The following PDZD7 variants were observed in gnomAD, a reference collection of about 807,000 sequenced individuals.
The protein encoded by PDZD7 is PDZ domain-containing protein 7.
In PDZD7, 72 loss-of-function variants were observed where a neutral mutation model predicts 84.7. That is an observed-to-expected ratio of 0.85 (90% confidence interval 0.70 to 1.03). The LOEUF (loss-of-function observed/expected upper bound fraction) is 1.03, where lower values mean the gene tolerates loss of function less well. Ranked by LOEUF, PDZD7 falls within the 50% of genes least tolerant of loss-of-function variation. The pLI, the probability that PDZD7 is intolerant of heterozygous loss-of-function variation, is 0.00. For missense variants in PDZD7, 1,490 were observed against 1,412.9 expected (o/e 1.05, Z -0.87); for synonymous variants, 594 against 580.7 (o/e 1.02, Z -0.33).
chr10:101,021,841 A>G lies in PDZD7; in HGVS notation c.824T>C (p.Val275Ala). 1 of 1,614,028 alleles carries G rather than the reference A, an allele frequency of 6.2e-7. No individual in the cohort carries two copies. Among genetic ancestry groups the G allele is most frequent in the Non-Finnish European group, 8.5e-7 (1 of 1,179,990 alleles). ...GTGCGTTTGGCCCTTCAGCACCTCC[A>G]CGGCCTGGCTGTGGCTGATGTCGTC... is the stretch of plus-strand genomic sequence containing the variant. Reference protein sequence around the residue: ...RFDDISHSQAVEVLKGQTHIM... With the variant: ...RFDDISHSQAAEVLKGQTHIM... Residue 275 changes from valine to alanine, a missense_variant, in exon 6 of 17, where the codon GTG (valine) becomes GCG (alanine). Physicochemically the swap from Val to Ala is moderately conservative, Grantham distance 64 (BLOSUM62 0). Transcript: ENST00000619208.
intron 7 of PDZD7, among the ~76,000 whole-genome samples, chr10:101,019,695 G>A (rs917142117): frequency 1.1e-4 from 17 of 149,112 alleles, no homozygotes; most frequent in African/African-American, 3.7e-4. Flanking sequence ...ATGTGATCTC[G>A]GTTCACTGCA....
intron 1 of PDZD7, chr10:101,030,657 G>A: frequency 3.0e-6 from 1 of 336,298 alleles, no homozygotes; most frequent in South Asian, 2.6e-5. Context: ...GGTTGAGAGT[G>A]GAGTTGGGAT....
chr10:101,025,774 C>A (rs1000403817), intron 2 of PDZD7, among the ~76,000 whole-genome samples: 2 of 150,978 alleles, frequency 1.3e-5, no homozygotes, highest in Non-Finnish European at 2.9e-5. Flanking sequence ...GTTTTGATCT[C>A]CTGACCTCGT....
Position 101,020,791 on chromosome 10 carries a change from C to T in PDZD7, c.868-113G>A. 3.8e-6 allele frequency: 3 copies of T among 782,576 alleles called. No homozygotes were observed. The South Asian group carries it at 4.5e-5, about 12-fold the overall frequency. 48.5% of individuals were successfully genotyped at this position (782,576 alleles called of 1,614,324 possible). A position where few individuals can be genotyped will look rare whatever the true frequency, so the allele number is the denominator to read the frequency against. ...AACTTTCAACTTCATTTCTGTCCTC[C>T]AAATTCATCATGCTCTGGCCGCACA... On this transcript the variant is annotated intron_variant, in intron 6 of 16. Transcript: ENST00000619208.
intron 2 of PDZD7, among the ~76,000 whole-genome samples, chr10:101,027,626 C>A (rs1035384501): frequency 6.6e-6 from 1 of 152,202 alleles, no homozygotes; most frequent in Non-Finnish European, 1.5e-5. Flanking sequence ...GCCTTCCCGG[C>A]AATTCTGAGG....
chr10:101,028,431 T>C (rs1012515730), intron 2 of PDZD7, among the ~76,000 whole-genome samples: 1 of 151,862 alleles, frequency 6.6e-6, no homozygotes, highest in Non-Finnish European at 1.5e-5. Context: ...CTACAAAAAA[T>C]AAAATAAAAT....
Position 101,011,754 on chromosome 10 carries a change from A to C in PDZD7, c.1941T>G (p.Pro647=). The part of the protein sequence containing the change: ...FEALKSRAVR[P]PALRPARQDT... Reference sequence around the variant, plus strand: ...CCTGCCGGGCTGGTCTCAAAGCAGGAGGCCGGACTGGTTGGAGAGATGAAC... The same window carrying C: ...CCTGCCGGGCTGGTCTCAAAGCAGGCGGCCGGACTGGTTGGAGAGATGAAC... The change falls in exon 14 of 17, where the codon CCT becomes CCG. Residue 647 remains proline (P), a synonymous_variant. Coordinates refer to ENST00000619208, the MANE Select transcript of PDZD7 (RefSeq NM_001195263.2). 6.5e-7 allele frequency: 1 copy of C among 1,549,264 alleles called. No homozygotes were observed. Among genetic ancestry groups the C allele is most frequent in the Non-Finnish European group, 8.7e-7 (1 of 1,146,982 alleles).
At position 101,007,744 on chromosome 10, in the gene PDZD7, T is replaced by C; in HGVS notation, c.*723A>G. 1.4e-6 allele frequency: 1 copy of C among 734,294 alleles called. No homozygotes were observed. Among genetic ancestry groups the C allele is most frequent in the Non-Finnish European group, 1.7e-6 (1 of 587,864 alleles). The allele number at this position is 734,294 out of a possible 1,614,324, so 45.5% of individuals were successfully genotyped here. A position where few individuals can be genotyped will look rare whatever the true frequency, so the allele number is the denominator to read the frequency against. On this transcript the variant is annotated 3_prime_UTR_variant, in exon 17 of 17. Transcript: ENST00000619208. ...CAGCCTCTCCCTTCACCCAGGTTTATGGCCTCGTTTTCACTTGTATATTTT... is the reference window on the plus strand; with the variant it reads ...CAGCCTCTCCCTTCACCCAGGTTTACGGCCTCGTTTTCACTTGTATATTTT...
chr10:101,027,590 G>A (rs1300049833), intron 2 of PDZD7, among the ~76,000 whole-genome samples: 1 of 152,208 alleles, frequency 6.6e-6, no homozygotes, highest in Non-Finnish European at 1.5e-5. Flanking sequence ...CTCTGGGACT[G>A]AGCCCTGCAA....
rs190277371 is a variant in PDZD7 at position 101,028,478 on chromosome 10, C to G, written c.226+1516G>C. Among the ~76,000 whole-genome samples the G allele has an allele frequency of 1.0e-3, 155 of 152,132 alleles. 3 individuals are homozygous for G. The highest frequency in any genetic ancestry group is 3.6e-3 in the African/African-American group (149 of 41,500). ...GGCTTGGTGTTGCATGCCTATAGTT[C>G]TGGCTACTCAGGAGGCTGAGGCTGG... On this transcript the variant is annotated intron_variant, in intron 2 of 16. Transcript: ENST00000619208.
At chr10:101,013,440 G>A (rs2134010676) in intron 11 of PDZD7, among the ~76,000 whole-genome samples, 1 of 152,370 alleles carries the variant, frequency 6.6e-6, no homozygotes. Flanking sequence ...AGTCTCAGAG[G>A]AAGGTGGGAA....
At chr10:101,017,611 C>T (rs1384138997) in intron 9 of PDZD7, 7 of 701,186 alleles carry the variant, frequency 1.0e-5, no homozygotes, top group Non-Finnish European at 1.8e-5. Flanking sequence ...GTGAAACCCC[C>T]ATCTCTACAA....
intron 2 of PDZD7, among the ~76,000 whole-genome samples, chr10:101,026,506 AG>A (rs1937710573): frequency 7.1e-6 from 1 of 141,030 alleles, no homozygotes; most frequent in South Asian, 2.3e-4. Flanking sequence ...GGCACTGATG[AG>A]GGGGAAAGAG....
rs1308018301 is a variant in PDZD7 at position 101,011,982 on chromosome 10, C to T, written c.1876G>A (p.Asp626Asn). 1.9e-6 allele frequency: 3 copies of T among 1,550,488 alleles called. No individual in the cohort carries two copies. Among genetic ancestry groups the T allele is most frequent in the African/African-American group, 1.4e-5 (1 of 73,162 alleles). The change falls in exon 13 of 17, where the codon GAC (aspartate) becomes AAC (asparagine). Residue 626 changes from aspartate (D) to asparagine (N), a missense_variant. Physicochemically the swap from Asp to Asn is conservative, Grantham distance 23. Transcript: ENST00000619208. ...AGCTCCACAAGCATCACCATGCTGT[C>T]GAAGCGGCCCAGGTCTGTGGGGGCC... ...VVAPTDLGRF[D>N]SMVMLVELEA...
At chr10:101,023,840 G>C (rs542937277) in intron 3 of PDZD7, 88 bp downstream of exon 3, 3 of 1,602,458 alleles carry the variant, frequency 1.9e-6, no homozygotes, top group Non-Finnish European at 2.6e-6. Context: ...GGACTCTTCC[G>C]TCTGTCCCTG....
At chr10:101,014,288 C>A (rs761836078) in intron 11 of PDZD7, among the ~76,000 whole-genome samples, 4 of 152,114 alleles carry the variant, frequency 2.6e-5, no homozygotes, top group Non-Finnish European at 2.9e-5. Flanking sequence ...ATCACTCCAG[C>A]CAGGGCTCCA....
At chr10:101,014,482 C>T (rs532464766) in intron 11 of PDZD7, among the ~76,000 whole-genome samples, 22 of 152,230 alleles carry the variant, frequency 1.4e-4, no homozygotes, top group Admixed American at 7.2e-4. Flanking sequence ...CCTGCATTGC[C>T]GGCCCACTGG....
chr10:101,017,838 GGAAAGAAAGAAAGAAAGAAAGAAAGAAA>G, intron 9 of PDZD7: 2 of 165,784 alleles, frequency 1.2e-5, no homozygotes. Context: ...AAGGAAGGAA[GGAAAGAAAGAAAGAAAGAAAGAAAGAAA>G]GAAAGAAAGA....
In PDZD7 at chr10:101,019,045, GT is replaced by G. The variant is rs760919233; in HGVS notation, c.1100del (p.Asp367AlafsTer72). 1.1e-5 allele frequency: 18 copies of G among 1,572,882 alleles called. No individual in the cohort carries two copies. The highest frequency in any genetic ancestry group is 2.7e-5 in the African/African-American group (2 of 74,402). On this transcript the variant is annotated frameshift_variant, in exon 8 of 17. Coordinates refer to ENST00000619208, the MANE Select transcript of PDZD7 (RefSeq NM_001195263.2). LOFTEE classifies it high-confidence loss of function. ...CATCGGGCTCCGTCTGCATGGCTGT[GT>G]CCGCCCGCCCCCAGCCTGGGCCGCG... Reference protein sequence around the residue: ...GSRGPGWGRADTAMQTEPDAG... With the variant: ...GSRGPGWGRAXTAMQTEPDAG...
Sources: allele counts gnomAD v4.1 joint callset (sites outside exome capture counted in the v4.1 genomes callset), GRCh38; gene constraint gnomAD v4.1.1; transcripts MANE v1.5; gene names NCBI Gene and HGNC (gene_info 2026-07-23, HGNC 2026-07-21).